CNTN5: variants seen among roughly 807,000 people sequenced by gnomAD.
CNTN5 encodes contactin 5.
CNTN5 carries 77 observed loss-of-function variants against 129.1 expected under a neutral mutation model. The observed-to-expected ratio is 0.60, with a 90% confidence interval of 0.50 to 0.72. The LOEUF (loss-of-function observed/expected upper bound fraction) is 0.72. Ranked by LOEUF, CNTN5 falls within the 30% of genes least tolerant of loss-of-function variation. The probability of loss-of-function intolerance (pLI) is 0.00; values close to 1 mark genes in which losing one functional copy is unlikely to be tolerated. For synonymous variants in CNTN5, 509 were observed against 465.6 expected, an observed-to-expected ratio of 1.09 and a Z score of -1.20; for missense variants, 1,478 against 1,328.8, an observed-to-expected ratio of 1.11 and a Z score of -1.75.
At chr11:99,314,543 G>A (rs1591510257) in intron 1 of CNTN5, among the ~76,000 whole-genome samples, 3 of 152,028 alleles carry the variant, frequency 2.0e-5, no homozygotes, top group Admixed American at 6.6e-5. Flanking sequence ...TCTAGACAAA[G>A]GAGAGAGAAA....
At chr11:99,108,350 C>T (rs1412275312) in intron 1 of CNTN5, among the ~76,000 whole-genome samples, 1 of 152,078 alleles carries the variant, frequency 6.6e-6, no homozygotes, top group East Asian at 1.9e-4. Flanking sequence ...AATGTGCTGG[C>T]TCCTCTCCTT....
intron 16 of CNTN5, among the ~76,000 whole-genome samples, chr11:100,230,812 C>T (rs1176283440): frequency 6.6e-6 from 1 of 152,176 alleles, no homozygotes; most frequent in African/African-American, 2.4e-5. Flanking sequence ...AACAAATATT[C>T]TGACTTCACT....
At chr11:99,586,887 A>G (rs1030024530) in intron 3 of CNTN5, among the ~76,000 whole-genome samples, 2 of 152,236 alleles carry the variant, frequency 1.3e-5, no homozygotes, top group Non-Finnish European at 2.9e-5. Flanking sequence ...TCAGGGCACC[A>G]TAAAGTGCTA....
At chr11:99,875,807 GAATA>G (rs1948618875) in intron 6 of CNTN5, among the ~76,000 whole-genome samples, 1 of 152,016 alleles carries the variant, frequency 6.6e-6, no homozygotes, top group South Asian at 2.1e-4. Flanking sequence ...ATGACTCAAT[GAATA>G]AATCAGCCTT....
intron 1 of CNTN5, among the ~76,000 whole-genome samples, chr11:99,180,458 G>A (rs1857994416): frequency 6.6e-6 from 1 of 152,126 alleles, no homozygotes; most frequent in Non-Finnish European, 1.5e-5. Flanking sequence ...AGTCAAGAGG[G>A]CTCTTTGTGA....
chr11:99,669,782 C>A (rs1050039842), intron 3 of CNTN5, among the ~76,000 whole-genome samples: 1 of 152,084 alleles, frequency 6.6e-6, no homozygotes, highest in Non-Finnish European at 1.5e-5. Context: ...AGGTTTGTCC[C>A]TAAGCCAAGT....
chr11:99,026,608 C>G (rs897885983), intron 1 of CNTN5, among the ~76,000 whole-genome samples: 4 of 151,352 alleles, frequency 2.6e-5, no homozygotes, highest in African/African-American at 7.3e-5. Context: ...ATTGTGGAAC[C>G]CTTAGGAAAA....
At chr11:100,185,987 G>T (rs750741962) in intron 13 of CNTN5, among the ~76,000 whole-genome samples, 1 of 152,104 alleles carries the variant, frequency 6.6e-6, no homozygotes, top group South Asian at 2.1e-4. Flanking sequence ...GTAAACAGAC[G>T]GTACTTCCAG....
intron 3 of CNTN5, among the ~76,000 whole-genome samples, chr11:99,772,997 T>C (rs950554464): frequency 2.6e-5 from 4 of 152,084 alleles, no homozygotes; most frequent in Non-Finnish European, 4.4e-5. Flanking sequence ...ATACACATAA[T>C]GTATAACTTA....
chr11:99,418,689 A>C (rs777148865), intron 2 of CNTN5, among the ~76,000 whole-genome samples: 5 of 152,154 alleles, frequency 3.3e-5, no homozygotes, highest in Non-Finnish European at 5.9e-5. Context: ...CTTTCTTCCC[A>C]TGGCTCTAAT....
chr11:99,946,385 A>G (rs138885446), intron 7 of CNTN5, among the ~76,000 whole-genome samples: 1 of 152,190 alleles, frequency 6.6e-6, no homozygotes, highest in Non-Finnish European at 1.5e-5. Flanking sequence ...AAAATATATT[A>G]CAGAGCCCAC....
At chr11:99,266,788 C>A (rs1862920452) in intron 1 of CNTN5, among the ~76,000 whole-genome samples, 1 of 151,840 alleles carries the variant, frequency 6.6e-6, no homozygotes, top group African/African-American at 2.4e-5. Context: ...GTGCCCTGAA[C>A]AAATAATGAG....
At chr11:99,889,123 T>C (rs1948978515) in intron 6 of CNTN5, among the ~76,000 whole-genome samples, 2 of 152,204 alleles carry the variant, frequency 1.3e-5, no homozygotes, top group South Asian at 2.1e-4. Context: ...GCAACGATCC[T>C]TATTATTTAA....
chr11:100,054,114 A>G (rs777817828), intron 9 of CNTN5, among the ~76,000 whole-genome samples: 16 of 151,750 alleles, frequency 1.1e-4, no homozygotes, highest in Non-Finnish European at 1.8e-4. Context: ...AAAATGTTCT[A>G]TATCCTAATT....
At chr11:99,934,898 G>GTGTGTATATATATA (rs1565693917) in intron 7 of CNTN5, among the ~76,000 whole-genome samples, 1 of 67,958 alleles carries the variant, frequency 1.5e-5, no homozygotes, top group African/African-American at 1.0e-4. Flanking sequence ...GTGTGTGTGT[G>GTGTGTATATATATA]TATATATATA....
chr11:99,572,596 A>C (rs1334410372), intron 3 of CNTN5, among the ~76,000 whole-genome samples: 1 of 152,194 alleles, frequency 6.6e-6, no homozygotes, highest in Non-Finnish European at 1.5e-5. Flanking sequence ...ATCATTATTT[A>C]GTAAATGATC....
intron 15 of CNTN5, among the ~76,000 whole-genome samples, chr11:100,215,728 T>C (rs1030338000): frequency 2.0e-5 from 3 of 152,150 alleles, no homozygotes; most frequent in Non-Finnish European, 4.4e-5. Flanking sequence ...GTAATTCATA[T>C]GGAGCATTGA....
intron 1 of CNTN5, among the ~76,000 whole-genome samples, chr11:99,107,893 T>C (rs1867076492): frequency 1.5e-5 from 2 of 137,904 alleles, no homozygotes; most frequent in Non-Finnish European, 3.0e-5. Flanking sequence ...ATCGCACCAC[T>C]GCACTCCAGC....
chr11:99,427,650 CAGGT>C (rs1218539394), intron 2 of CNTN5, among the ~76,000 whole-genome samples: 2 of 150,434 alleles, frequency 1.3e-5, no homozygotes, highest in African/African-American at 4.9e-5. Context: ...CCTGTAGTCC[CAGGT>C]ACTTGGGAGG....
Sources: gnomAD v4.1 joint callset for allele counts (sites outside exome capture counted in the v4.1 genomes callset) on GRCh38, gnomAD v4.1.1 for gene constraint, MANE v1.5 for transcripts, NCBI Gene and HGNC (gene_info 2026-07-23, HGNC 2026-07-21) for gene names.